The following NPAS3 variants were observed in gnomAD, a reference collection of about 807,000 sequenced individuals.
NPAS3 encodes the protein neuronal PAS domain protein 3, also known as neuronal PAS domain-containing protein 3.
In NPAS3, 14 loss-of-function variants were observed where a neutral mutation model predicts 73.1. The observed-to-expected ratio is 0.19, with a 90% CI of 0.13 to 0.30. The LOEUF (loss-of-function observed/expected upper bound fraction) is 0.30, where lower values mean the gene tolerates loss of function less well. NPAS3 is among the 10% of genes least tolerant of loss of function. The probability of loss-of-function intolerance (pLI) is 1.00; values close to 1 mark genes in which losing one functional copy is unlikely to be tolerated. For missense variants in NPAS3, 1,096 were observed against 1,250.0 expected (o/e 0.88, Z 1.86); for synonymous variants, 620 against 541.5 (o/e 1.14, Z -2.01).
chr14:33,728,416 AAC>A (rs1435556110), intron 6 of NPAS3, among the ~76,000 whole-genome samples: 1 of 152,200 alleles, frequency 6.6e-6, no homozygotes, highest in African/African-American at 2.4e-5. Flanking sequence ...CAAGTTTCTA[AAC>A]AATGCTGAAG....
At chr14:33,506,194 C>T (rs1005931799) in intron 4 of NPAS3, among the ~76,000 whole-genome samples, 10 of 151,954 alleles carry the variant, frequency 6.6e-5, no homozygotes, top group African/African-American at 2.2e-4. Context: ...AAACACAATA[C>T]GGGCTTTATA....
intron 4 of NPAS3, among the ~76,000 whole-genome samples, chr14:33,523,493 T>C (rs1007148761): frequency 6.5e-5 from 9 of 139,496 alleles, no homozygotes; most frequent in Non-Finnish European, 1.4e-4. Context: ...CCAGGCATGG[T>C]GGCTCATGCC....
At chr14:33,079,325 C>CTTTTTTTTTTTTTTTTT (rs772885846) in intron 2 of NPAS3, among the ~76,000 whole-genome samples, 8 of 132,310 alleles carry the variant, frequency 6.0e-5, no homozygotes, top group Admixed American at 1.5e-4. Context: ...TTTCTTTTTC[C>CTTTTTTTTTTTTTTTTT]TTTTTTTTTT....
intron 4 of NPAS3, among the ~76,000 whole-genome samples, chr14:33,485,491 G>A (rs185283016): frequency 2.2e-4 from 33 of 152,154 alleles, no homozygotes; most frequent in Admixed American, 1.3e-3. Context: ...TGGAAACTTT[G>A]GATCTAGATA....
At chr14:33,593,722 T>C (rs2057146300) in intron 5 of NPAS3, among the ~76,000 whole-genome samples, 1 of 152,240 alleles carries the variant, frequency 6.6e-6, no homozygotes, top group East Asian at 1.9e-4. Flanking sequence ...ATATTTAAAT[T>C]AATTTACATG....
At chr14:33,543,946 C>T (rs2054632733) in intron 4 of NPAS3, among the ~76,000 whole-genome samples, 1 of 104,936 alleles carries the variant, frequency 9.5e-6, no homozygotes, top group Non-Finnish European at 2.2e-5. Flanking sequence ...TGGCAAAGTG[C>T]ATATATATAT....
intron 3 of NPAS3, among the ~76,000 whole-genome samples, chr14:33,236,175 A>G (rs1448543333): frequency 6.6e-6 from 1 of 151,792 alleles, no homozygotes; most frequent in Non-Finnish European, 1.5e-5. Context: ...CTGAAAAAAA[A>G]CCAAAGAGGA....
intron 6 of NPAS3, among the ~76,000 whole-genome samples, chr14:33,691,742 A>C (rs2060241327): frequency 6.6e-6 from 1 of 152,136 alleles, no homozygotes. Flanking sequence ...CCGTTTTTCC[A>C]CTGGCTTCCT....
In NPAS3 at chr14:33,663,061, C is replaced by G. The variant is rs61972995; in HGVS notation, c.559-13150C>G. ...ACTTCCTCTCTTCCTATTTGAATAC[C>G]CTTTATTTTTTTTCTCTTGCCTGAT... is the stretch of plus-strand genomic sequence containing the variant. On this transcript the variant is annotated intron_variant, in intron 5 of 11. Transcript: ENST00000356141. Among the ~76,000 whole-genome samples the G allele has an allele frequency of 7.2e-3, 1,095 of 151,566 alleles. 5 individuals carry two copies. Among genetic ancestry groups the G allele is most frequent in the African/African-American group, 0.014 (583 of 41,334 alleles).
At chr14:33,786,601 C>A (rs2063182423) in intron 9 of NPAS3, among the ~76,000 whole-genome samples, 1 of 152,222 alleles carries the variant, frequency 6.6e-6, no homozygotes, top group African/African-American at 2.4e-5. Flanking sequence ...AAGTCAGACG[C>A]CCTTTGCGCT....
At chr14:33,647,284 C>A (rs2058858713) in intron 5 of NPAS3, among the ~76,000 whole-genome samples, 5 of 151,242 alleles carry the variant, frequency 3.3e-5, no homozygotes, top group Admixed American at 3.3e-4. Context: ...CTCTCTCTCT[C>A]TCTCTCTATA....
intron 7 of NPAS3, among the ~76,000 whole-genome samples, chr14:33,771,760 G>A (rs1234779269): frequency 2.6e-5 from 4 of 151,790 alleles, no homozygotes; most frequent in African/African-American, 7.3e-5. Flanking sequence ...GCAGTGAGCC[G>A]AGATCACGCC....
At chr14:33,295,950 C>T (rs570285466) in intron 3 of NPAS3, among the ~76,000 whole-genome samples, 11 of 152,122 alleles carry the variant, frequency 7.2e-5, no homozygotes, top group Non-Finnish European at 8.8e-5. Flanking sequence ...AAAGTTAACT[C>T]ATTATTTGAT....
At position 33,686,642 on chromosome 14, in the gene NPAS3, A is replaced by G. The variant is rs2140386915; in HGVS notation, c.733+10257A>G. ...CCATTTTACAGATGAGAGGCCTAAG[A>G]AAAGAACAGTTTTTTAAAATTGTAA... On this transcript the variant is annotated intron_variant, in intron 6 of 11. Coordinates refer to ENST00000356141, the Ensembl canonical transcript of NPAS3. Among the ~76,000 whole-genome samples the G allele has an allele frequency of 1.3e-5, 2 of 152,254 alleles. 1 individual carries two copies. Among genetic ancestry groups the G allele is most frequent in the Non-Finnish European group, 2.9e-5 (2 of 68,038 alleles).
At chr14:33,544,869 A>ATATG (rs1306400984) in intron 4 of NPAS3, among the ~76,000 whole-genome samples, 4 of 136,574 alleles carry the variant, frequency 2.9e-5, no homozygotes, top group Non-Finnish European at 4.6e-5. Flanking sequence ...TATAATATAT[A>ATATG]TATGTATGTA....
chr14:33,778,349 C>T, intron 8 of NPAS3, 117 bp from the exon 9 acceptor site: 1 of 676,764 alleles, frequency 1.5e-6, no homozygotes, highest in Non-Finnish European at 2.6e-6. Flanking sequence ...ACAGTGCCAC[C>T]TCCTCACGGG....
chr14:33,402,098 C>G (rs189847708), intron 4 of NPAS3, among the ~76,000 whole-genome samples: 1 of 152,044 alleles, frequency 6.6e-6, no homozygotes, highest in African/African-American at 2.4e-5. Flanking sequence ...AGTCTGTTGC[C>G]CAGTAGACAT....
intron 3 of NPAS3, among the ~76,000 whole-genome samples, chr14:33,314,879 G>T (rs1004265579): frequency 2.6e-5 from 4 of 152,012 alleles, no homozygotes; most frequent in African/African-American, 9.7e-5. Context: ...TAATTTTGTG[G>T]TTTCTACTGG....
intron 2 of NPAS3, among the ~76,000 whole-genome samples, chr14:33,197,041 G>A (rs972586915): frequency 1.3e-5 from 2 of 152,172 alleles, no homozygotes; most frequent in African/African-American, 4.8e-5. Flanking sequence ...AATGAAGGCT[G>A]TAATTTTGTA....
Sources: gnomAD v4.1 joint callset for allele counts (sites outside exome capture counted in the v4.1 genomes callset) on GRCh38, gnomAD v4.1.1 for gene constraint, MANE v1.5 for transcripts, NCBI Gene and HGNC (gene_info 2026-07-23, HGNC 2026-07-21) for gene names.